The following PDE4D variants were observed in gnomAD, a reference collection of about 807,000 sequenced individuals.
PDE4D encodes 3',5'-cyclic-AMP phosphodiesterase 4D.
Under a neutral mutation model 87.4 loss-of-function variants are expected in PDE4D, and 24 were observed. The ratio of observed to expected loss-of-function variants is 0.27; its 90% CI spans 0.20 to 0.39. The LOEUF (loss-of-function observed/expected upper bound fraction) is 0.39, where lower values mean the gene tolerates loss of function less well. Among genes scored for constraint, PDE4D ranks in the 10% least tolerant of loss-of-function variants. PDE4D has a pLI of 1.00. For missense variants in PDE4D, 714 were observed against 1,041.0 expected (o/e 0.69, Z 4.32); for synonymous variants, 384 against 383.2 (o/e 1.00, Z -0.02).
chr5:59,196,093 G>T (rs909237271), intron 2 of PDE4D, among the ~76,000 whole-genome samples: 1 of 151,872 alleles, frequency 6.6e-6, no homozygotes, highest in African/African-American at 2.4e-5. Flanking sequence ...AAAAAGTTCT[G>T]GGGAAAAAAA....
At chr5:59,411,429 A>T (rs1188090072) in intron 1 of PDE4D, among the ~76,000 whole-genome samples, 2 of 152,212 alleles carry the variant, frequency 1.3e-5, no homozygotes, top group African/African-American at 4.8e-5. Flanking sequence ...CAGGGCTTCC[A>T]TAACAAAATA....
chr5:60,006,475 T>C (rs1764487353), intron 2 of PDE4D, among the ~76,000 whole-genome samples: 1 of 151,896 alleles, frequency 6.6e-6, no homozygotes, highest in Non-Finnish European at 1.5e-5. Context: ...TAAAACAGTG[T>C]TTGCATCACC....
At chr5:60,351,784 T>A (rs1759218444) in intron 1 of PDE4D, among the ~76,000 whole-genome samples, 1 of 127,402 alleles carries the variant, frequency 7.8e-6, no homozygotes, top group Non-Finnish European at 1.5e-5. Context: ...CTAATTATTT[T>A]ATTTATTTAT....
At chr5:59,241,095 A>G (rs1757573191) in intron 1 of PDE4D, among the ~76,000 whole-genome samples, 1 of 152,198 alleles carries the variant, frequency 6.6e-6, no homozygotes, top group Non-Finnish European at 1.5e-5. Context: ...TAAGGGAGTT[A>G]CAGATCTCCA....
At chr5:59,931,720 G>C (rs1344770789) in intron 3 of PDE4D, among the ~76,000 whole-genome samples, 1 of 24,328 alleles carries the variant, frequency 4.1e-5, no homozygotes, top group Non-Finnish European at 1.1e-4. Flanking sequence ...TTTCTTTTTT[G>C]AGACGGAGTC....
At chr5:60,494,266 G>A (rs568955400) in intron 1 of PDE4D, among the ~76,000 whole-genome samples, 25 of 152,162 alleles carry the variant, frequency 1.6e-4, no homozygotes, top group African/African-American at 6.0e-4. Flanking sequence ...ACTGGGGGTA[G>A]GGGGATCTCA....
At chr5:60,117,983 A>G (rs1481480042) in intron 2 of PDE4D, among the ~76,000 whole-genome samples, 1 of 152,092 alleles carries the variant, frequency 6.6e-6, no homozygotes, top group East Asian at 1.9e-4. Context: ...CTTGCCAAAC[A>G]ATTGATCTTT....
rs1782993213 is a variant in PDE4D at position 59,365,991 on chromosome 5, G to A, written c.456-150023C>T. Among the ~76,000 whole-genome samples, 3 of 152,140 alleles carry A rather than the reference G, an allele frequency of 2.0e-5. No homozygotes were observed. In the South Asian group the frequency reaches 6.2e-4, roughly 31 times the overall value. On this transcript the variant is annotated intron_variant, in intron 1 of 14. Coordinates refer to ENST00000340635, the MANE Select transcript of PDE4D (RefSeq NM_001104631.2). ...AAACTTGATAGAGCATATAAGATCT[G>A]TTTCAGTAGAATATGGTTCTTGCCA...
chr5:60,018,983 C>A (rs1765779736), intron 2 of PDE4D, among the ~76,000 whole-genome samples: 1 of 152,106 alleles, frequency 6.6e-6, no homozygotes, highest in Non-Finnish European at 1.5e-5. Flanking sequence ...GTCAAGTGAA[C>A]CTGATAGGTA....
At chr5:59,116,454 T>C (rs1042863034) in intron 5 of PDE4D, among the ~76,000 whole-genome samples, 10 of 152,166 alleles carry the variant, frequency 6.6e-5, no homozygotes, top group African/African-American at 2.4e-4. Flanking sequence ...TGTGCAAACG[T>C]GATCAATGAG....
At chr5:60,421,205 GC>G (rs149497302) in intron 1 of PDE4D, among the ~76,000 whole-genome samples, 4,160 of 152,336 alleles carry the variant, frequency 0.027, 92 homozygotes, top group Middle Eastern at 0.078. Context: ...TGGCGTTTGA[GC>G]TTTGAGAACG....
At chr5:59,654,578 C>T (rs1744051896) in intron 1 of PDE4D, among the ~76,000 whole-genome samples, 1 of 152,184 alleles carries the variant, frequency 6.6e-6, no homozygotes, top group Non-Finnish European at 1.5e-5. Flanking sequence ...TTAGTTTTAA[C>T]ACCTTTATAG....
At chr5:59,271,917 T>A in intron 1 of PDE4D, among the ~76,000 whole-genome samples, 1 of 151,890 alleles carries the variant, frequency 6.6e-6, no homozygotes, top group East Asian at 1.9e-4. Context: ...CCTACCATTT[T>A]TTTTTTTACT....
chr5:60,225,122 C>T (rs921640893), intron 1 of PDE4D, among the ~76,000 whole-genome samples: 3 of 151,946 alleles, frequency 2.0e-5, no homozygotes, highest in Non-Finnish European at 4.4e-5. Flanking sequence ...TCAGGGATCT[C>T]GGTTTTGCAG....
At chr5:59,079,994 A>T (rs1220260275) in intron 5 of PDE4D, among the ~76,000 whole-genome samples, 1 of 152,060 alleles carries the variant, frequency 6.6e-6, no homozygotes, top group Non-Finnish European at 1.5e-5. Context: ...GGCTTCCACT[A>T]GTACAACTTA....
chr5:59,339,099 T>A (rs1778255886), intron 1 of PDE4D, among the ~76,000 whole-genome samples: 1 of 152,158 alleles, frequency 6.6e-6, no homozygotes, highest in Non-Finnish European at 1.5e-5. Context: ...AAGCCCTACC[T>A]TTGTCCTACA....
intron 1 of PDE4D, among the ~76,000 whole-genome samples, chr5:59,332,046 TAG>T (rs972768714): frequency 1.3e-4 from 20 of 152,206 alleles, no homozygotes; most frequent in Non-Finnish European, 1.6e-4. Flanking sequence ...TATCTATGAA[TAG>T]AGAGCTCCTT....
chr5:59,334,857 A>G (rs1254659045), intron 1 of PDE4D, among the ~76,000 whole-genome samples: 1 of 152,112 alleles, frequency 6.6e-6, no homozygotes, highest in East Asian at 1.9e-4. Flanking sequence ...CAACCTAATA[A>G]GAATAACAGA....
At chr5:60,190,291 C>A (rs1430996263) in intron 1 of PDE4D, among the ~76,000 whole-genome samples, 1 of 152,130 alleles carries the variant, frequency 6.6e-6, no homozygotes, top group Non-Finnish European at 1.5e-5. Flanking sequence ...ACTAATTTGC[C>A]CTCTACACAC....
Sources: allele counts gnomAD v4.1 joint callset (sites outside exome capture counted in the v4.1 genomes callset), GRCh38; gene constraint gnomAD v4.1.1; transcripts MANE v1.5; gene names NCBI Gene and HGNC (gene_info 2026-07-23, HGNC 2026-07-21).